Variants in PLCH2 observed in about 807,000 individuals in gnomAD.
The protein encoded by PLCH2 is 1-phosphatidylinositol 4,5-bisphosphate phosphodiesterase eta-2.
PLCH2 carries 98 observed loss-of-function variants against 134.7 expected under a neutral mutation model. The observed-to-expected ratio is 0.73, with a 90% confidence interval of 0.62 to 0.86. The LOEUF is 0.86. Among genes scored for constraint, PLCH2 ranks in the 40% least tolerant of loss-of-function variants. The probability of loss-of-function intolerance (pLI) is 0.00; values close to 1 mark genes in which losing one functional copy is unlikely to be tolerated. For missense variants in PLCH2, 1,994 were observed against 1,986.6 expected, an observed-to-expected ratio of 1.00 and a Z score of -0.07; for synonymous variants, 974 against 827.5, an observed-to-expected ratio of 1.18 and a Z score of -3.04.
chr1:2,481,573 G>A (rs777686448), intron 4 of PLCH2, among the ~76,000 whole-genome samples: 2 of 152,246 alleles, frequency 1.3e-5, no homozygotes, highest in Non-Finnish European at 2.9e-5. Flanking sequence ...AATCCAGCAC[G>A]AGTGTGCGTG....
chr1:2,472,019 G>A (rs1641348668), upstream of PLCH2, among the ~76,000 whole-genome samples: 1 of 152,256 alleles, frequency 6.6e-6, no homozygotes, highest in Non-Finnish European at 1.5e-5. Flanking sequence ...AGCCCCACAG[G>A]CCCCGGGCAC....
the PLCH2 span, among the ~76,000 whole-genome samples, chr1:2,420,890 T>C: frequency 4.7e-3 from 719 of 152,278 alleles, 7 homozygotes; most frequent in African/African-American, 0.016. Flanking sequence ...TGTGTTGTTC[T>C]GGTGCGAGTA....
intron 10 of PLCH2, among the ~76,000 whole-genome samples, 186 bp from the exon 11 acceptor site, chr1:2,491,006 T>G (rs1396860672): frequency 6.6e-6 from 1 of 152,230 alleles, no homozygotes; most frequent in Non-Finnish European, 1.5e-5. Context: ...GGCAGACTCG[T>G]GCTGCTGGAG....
chr1:2,436,438 TCCCTTCCTCCCTTCCTCCCTCCA>T (rs1639394969), intron 2 of PLCH2, among the ~76,000 whole-genome samples: 1 of 21,398 alleles, frequency 4.7e-5, no homozygotes, highest in African/African-American at 3.4e-4. Flanking sequence ...TTCTCCCTCC[TCCCTTCCTCCCTTCCTCCCTCCA>T]CCTTTCCTCC....
chr1:2,423,172 T>A (rs540832412), upstream of PLCH2, among the ~76,000 whole-genome samples: 1 of 89,736 alleles, frequency 1.1e-5, no homozygotes, highest in Non-Finnish European at 3.1e-5. Flanking sequence ...TTAGTTTTTT[T>A]GTTTGTTTGT....
chr1:2,481,538 G>A (rs1641969281), intron 4 of PLCH2, among the ~76,000 whole-genome samples: 1 of 152,376 alleles, frequency 6.6e-6, no homozygotes, highest in East Asian at 1.9e-4. Flanking sequence ...GCCTCTGAGT[G>A]GGAGGAGACA....
Position 2,496,875 on chromosome 1 carries a change from C to G in PLCH2, c.1981C>G (p.Gln661Glu). 6.2e-7 allele frequency: 1 copy of G among 1,612,998 alleles called. No homozygotes were observed. The highest frequency in any genetic ancestry group is 1.3e-5 in the African/African-American group (1 of 75,072). Residue 661 changes from glutamine (Q) to glutamate (E), a missense_variant, in exon 15 of 22, where the codon CAG becomes GAG. Gln to Glu is a conservative substitution (Grantham distance 29). Around this residue, in one of 2 missense-constraint regions of PLCH2, gnomAD observed 1,094 missense variants for 1,234.3 expected, o/e 0.89. Coordinates refer to ENST00000378486, the MANE Select transcript of PLCH2 (RefSeq NM_014638.4). ...VSSFSETKAHQILQQKPAQYL... is the reference protein window; with the variant it reads ...VSSFSETKAHEILQQKPAQYL... ...GTCCTTCAGCGAGACCAAGGCCCACCAGATTCTGCAGCAGAAGCCGGCGCA... is the reference window on the plus strand; with the variant it reads ...GTCCTTCAGCGAGACCAAGGCCCACGAGATTCTGCAGCAGAAGCCGGCGCA...
At chr1:2,455,315 G>A (rs1041308525) in intron 2 of PLCH2, among the ~76,000 whole-genome samples, 3 of 152,128 alleles carry the variant, frequency 2.0e-5, no homozygotes, top group Non-Finnish European at 2.9e-5. Context: ...CCTGTTCCCC[G>A]GCCTGGCCTG....
At chr1:2,451,377 C>T (rs1640216879) in intron 2 of PLCH2, among the ~76,000 whole-genome samples, 1 of 152,202 alleles carries the variant, frequency 6.6e-6, no homozygotes, top group South Asian at 2.1e-4. Context: ...CAGAGATTGT[C>T]GCGGAGAATG....
At chr1:2,438,288 C>T (rs991560991) in intron 2 of PLCH2, among the ~76,000 whole-genome samples, 7 of 152,224 alleles carry the variant, frequency 4.6e-5, no homozygotes, top group African/African-American at 2.4e-5. Flanking sequence ...GCACTGGGCC[C>T]GGCTGGCGTG....
chr1:2,494,579 G>A (rs1341919713), intron 11 of PLCH2: 5 of 558,602 alleles, frequency 9.0e-6, no homozygotes, highest in Admixed American at 3.2e-5. Context: ...CATGAGAGAC[G>A]CTGAGGCAGG....
chr1:2,425,525 C>T (rs1371354163), upstream of PLCH2, among the ~76,000 whole-genome samples: 1 of 152,118 alleles, frequency 6.6e-6, no homozygotes, highest in African/African-American at 2.4e-5. Context: ...TTTTAGGTGG[C>T]AGGCTTTAGA....
Position 2,503,922 on chromosome 1 carries a change from A to ACCCCCCCCCCCCCCCCCCC in PLCH2, c.2961_2962insCCCCCCCCCCCCCCCCCCC (p.Thr988ProfsTer27). On this transcript the variant is annotated frameshift_variant and splice_region_variant, in exon 22 of 22. Transcript: ENST00000378486. LOFTEE classifies it high-confidence loss of function. ...CTCTCACTCCCCCACCTCCCCACAG[A>ACCCCCCCCCCCCCCCCCCC]CACCCGCCCCCTCTCCACGCAGCGG... 1.2e-6 allele frequency: 1 copy of ACCCCCCCCCCCCCCCCCCC among 812,292 alleles called. No homozygotes were observed. The highest frequency in any genetic ancestry group is 1.9e-6 in the Non-Finnish European group (1 of 523,838). The allele number at this position is 812,292 out of a possible 1,614,324, so 50.3% of individuals were successfully genotyped here.
intron 1 of PLCH2, among the ~76,000 whole-genome samples, chr1:2,468,145 C>T (rs1174323758): frequency 6.6e-6 from 1 of 152,186 alleles, no homozygotes; most frequent in African/African-American, 2.4e-5. Context: ...CCTGGCCCAA[C>T]CCCACCCCAG....
chr1:2,458,946 C>G (rs765375803), intron 2 of PLCH2, among the ~76,000 whole-genome samples: 6 of 152,242 alleles, frequency 3.9e-5, no homozygotes, highest in African/African-American at 1.2e-4. Context: ...GGGGCTGGTG[C>G]TGCTTCTCAG....
intron 4 of PLCH2, 108 bp from the exon 5 acceptor site, chr1:2,484,340 T>G: frequency 9.6e-7 from 1 of 1,045,936 alleles, no homozygotes; most frequent in African/African-American, 1.6e-5. Context: ...TAGAGGAGGG[T>G]GGGCTTGCAT....
chr1:2,488,872 A>T (rs1002071292), intron 8 of PLCH2, among the ~76,000 whole-genome samples: 2 of 152,230 alleles, frequency 1.3e-5, no homozygotes, highest in South Asian at 4.1e-4. Context: ...TTTTGTCCAC[A>T]TCATTTTAAA....
chr1:2,447,867 T>C (rs1156979701), intron 2 of PLCH2, among the ~76,000 whole-genome samples: 4 of 152,312 alleles, frequency 2.6e-5, no homozygotes, highest in Non-Finnish European at 4.4e-5. Context: ...AGGATGCATG[T>C]GCTCTGCGGC....
rs1557969282 is a variant in PLCH2 at position 2,459,385 on chromosome 1, CCTCCTTCCTGGTGGTT to C, written c.116-19075_116-19060del. 1.9e-3 allele frequency among the ~76,000 whole-genome samples: 254 copies of C among 134,946 alleles called. 16 individuals carry two copies. Among genetic ancestry groups the C allele is most frequent in the East Asian group, 0.012 (54 of 4,426 alleles). 88.5% of individuals were successfully genotyped at this position (134,946 alleles called of 152,430 possible). On this transcript the variant is annotated intron_variant, in intron 2 of 3. Transcript: ENST00000609981. The stretch of plus-strand genomic sequence containing the variant: ...CCTGGTGGTCCTCCTTGCCGGTGGT[CCTCCTTCCTGGTGGTT>C]CTCCTTCCTGGTGGTCCTCCTTGCC...
Sources: allele counts gnomAD v4.1 joint callset (sites outside exome capture counted in the v4.1 genomes callset), GRCh38; gene constraint gnomAD v4.1.1; regional missense constraint gnomAD v4.1.1; transcripts MANE v1.5; gene names NCBI Gene and HGNC (gene_info 2026-07-23, HGNC 2026-07-21).